The following KSR2 variants were observed in gnomAD, a reference collection of about 807,000 sequenced individuals.
The protein encoded by KSR2 is kinase suppressor of ras 2.
KSR2 carries 25 observed loss-of-function variants against 107.8 expected under a neutral mutation model. The observed-to-expected ratio is 0.23, with a 90% CI of 0.17 to 0.32. KSR2 has a LOEUF of 0.32. KSR2 is among the 10% of genes least tolerant of loss of function. The probability of loss-of-function intolerance (pLI) is 1.00; values close to 1 mark genes in which losing one functional copy is unlikely to be tolerated. For missense variants in KSR2, 887 were observed against 1,268.9 expected, an observed-to-expected ratio of 0.70 and a Z score of 4.57; for synonymous variants, 480 against 507.0, an observed-to-expected ratio of 0.95 and a Z score of 0.71.
At chr12:117,966,498 G>A (rs1220202918) in intron 1 of KSR2, among the ~76,000 whole-genome samples, 2 of 151,874 alleles carry the variant, frequency 1.3e-5, no homozygotes, top group South Asian at 2.1e-4. Flanking sequence ...CCACTCTCCC[G>A]ATACACCTTG....
chr12:117,731,402 G>T (rs182642706), intron 4 of KSR2, among the ~76,000 whole-genome samples: 1 of 140,054 alleles, frequency 7.1e-6, no homozygotes. Context: ...CAGCCGCCCC[G>T]TCCGGGAGGG....
Position 117,890,084 on chromosome 12 carries a change from TG to T in KSR2, c.181-29654del, listed in dbSNP as rs1894294640. ...GTAGGTCTGGGGAACCATCCAACTTTGCGTTTCTAACAAGTTCCCAGGTGAT... is the reference window on the plus strand; with the variant it reads ...GTAGGTCTGGGGAACCATCCAACTTTCGTTTCTAACAAGTTCCCAGGTGAT... On this transcript the variant is annotated intron_variant, in intron 1 of 19. Transcript: ENST00000339824. Among the ~76,000 whole-genome samples, 5 of 152,198 alleles carry T rather than the reference TG, an allele frequency of 3.3e-5. No homozygotes were observed. In the South Asian group the frequency reaches 1.0e-3, roughly 31 times the overall value.
At chr12:117,671,901 A>G (rs746028458) in intron 4 of KSR2, among the ~76,000 whole-genome samples, 3 of 152,142 alleles carry the variant, frequency 2.0e-5, no homozygotes, top group Admixed American at 6.5e-5. Context: ...AGAGTTCAGA[A>G]AAGTCTATTG....
intron 4 of KSR2, among the ~76,000 whole-genome samples, chr12:117,706,774 G>T (rs951137476): frequency 4.6e-5 from 7 of 151,768 alleles, no homozygotes; most frequent in Non-Finnish European, 8.8e-5. Context: ...AACCTGTTAA[G>T]AAATAAATAA....
rs1434186231 is a variant in KSR2, at chr12:117,650,984, C to T, written c.1171+16490G>A. On this transcript the variant is annotated intron_variant, in intron 5 of 19. Transcript: ENST00000339824. ...AATGAAAGGTGCATGCACAGCCTCA[C>T]CAGGTGTTTACTGTTAAAGTGAGGG... 3.3e-5 allele frequency among the ~76,000 whole-genome samples: 5 copies of T among 152,218 alleles called. No homozygotes were observed. In the East Asian group the frequency reaches 9.7e-4, roughly 29 times the overall value.
At chr12:117,677,115 T>G (rs2136520174) in intron 4 of KSR2, 1 of 152,138 alleles carries the variant, frequency 6.6e-6, no homozygotes, top group South Asian at 2.1e-4. Context: ...AGAGAAAAGG[T>G]GTGCAAGGAA....
At chr12:117,752,980 C>G (rs988187907) in intron 4 of KSR2, among the ~76,000 whole-genome samples, 2 of 152,112 alleles carry the variant, frequency 1.3e-5, no homozygotes, top group Non-Finnish European at 2.9e-5. Flanking sequence ...AACCAGAATC[C>G]CTGAGATCAT....
At chr12:117,514,711 G>A (rs1874254297) in intron 14 of KSR2, among the ~76,000 whole-genome samples, 1 of 151,860 alleles carries the variant, frequency 6.6e-6, no homozygotes, top group Non-Finnish European at 1.5e-5. Flanking sequence ...ATCACATCTG[G>A]CTAGTTTTTT....
At chr12:117,655,565 A>G (rs1461125183) in intron 5 of KSR2, among the ~76,000 whole-genome samples, 3 of 152,150 alleles carry the variant, frequency 2.0e-5, no homozygotes, top group Non-Finnish European at 4.4e-5. Context: ...ACCACCCACC[A>G]TCACCCCTAG....
At chr12:117,518,795 C>T (rs1874553033) in intron 14 of KSR2, among the ~76,000 whole-genome samples, 1 of 152,236 alleles carries the variant, frequency 6.6e-6, no homozygotes, top group Admixed American at 6.5e-5. Flanking sequence ...TGCAGTACCT[C>T]TACCTGAACT....
At chr12:117,923,580 G>A (rs1433307256) in intron 1 of KSR2, among the ~76,000 whole-genome samples, 1 of 152,088 alleles carries the variant, frequency 6.6e-6, no homozygotes, top group Non-Finnish European at 1.5e-5. Flanking sequence ...TGGGAGGATC[G>A]CTTGAGCCCA....
intron 4 of KSR2, among the ~76,000 whole-genome samples, chr12:117,688,907 C>T (rs1036397864): frequency 3.9e-5 from 6 of 152,058 alleles, no homozygotes; most frequent in Non-Finnish European, 5.9e-5. Context: ...CTCCTTCTTT[C>T]CTTCCTTCTC....
At chr12:117,633,556 T>C in intron 5 of KSR2, among the ~76,000 whole-genome samples, 1 of 152,192 alleles carries the variant, frequency 6.6e-6, no homozygotes, top group East Asian at 1.9e-4. Context: ...GTAGAGGCCC[T>C]AGGAAGGATA....
At chr12:117,848,756 T>TG (rs1490536653) in intron 3 of KSR2, among the ~76,000 whole-genome samples, 5 of 151,746 alleles carry the variant, frequency 3.3e-5, no homozygotes, top group Admixed American at 6.6e-5. Flanking sequence ...GTGATGGTGA[T>TG]GGCGATGATG....
intron 3 of KSR2, among the ~76,000 whole-genome samples, chr12:117,792,430 C>T (rs1036319057): frequency 5.3e-5 from 8 of 152,128 alleles, no homozygotes; most frequent in African/African-American, 1.9e-4. Context: ...CACCTGGGCA[C>T]GCTGGTTAGC....
At chr12:117,793,596 T>TACACCAACATGCACAC (rs1890393661) in intron 3 of KSR2, among the ~76,000 whole-genome samples, 1 of 94,148 alleles carries the variant, frequency 1.1e-5, no homozygotes, top group African/African-American at 6.3e-5. Context: ...TATGCACACA[T>TACACCAACATGCACAC]ACACCAACAT....
At chr12:117,643,671 G>A (rs1883482945) in intron 5 of KSR2, among the ~76,000 whole-genome samples, 1 of 152,120 alleles carries the variant, frequency 6.6e-6, no homozygotes, top group Non-Finnish European at 1.5e-5. Flanking sequence ...CCTAACCCTG[G>A]TCTGCAGACT....
chr12:117,508,224 T>C (rs1370941817), intron 14 of KSR2, among the ~76,000 whole-genome samples: 2 of 152,198 alleles, frequency 1.3e-5, no homozygotes, highest in Non-Finnish European at 2.9e-5. Context: ...TTATTTGTTG[T>C]TGGCTCTAAA....
At chr12:117,637,768 A>G (rs7978275) in intron 5 of KSR2, among the ~76,000 whole-genome samples, 24,560 of 138,304 alleles carry the variant, frequency 0.18, 2,122 homozygotes, top group Middle Eastern at 0.27. Flanking sequence ...TGCAACCTCC[A>G]CCTCCCAGGT....
Sources: allele counts gnomAD v4.1 joint callset (sites outside exome capture counted in the v4.1 genomes callset), GRCh38; gene constraint gnomAD v4.1.1; transcripts MANE v1.5; gene names NCBI Gene and HGNC (gene_info 2026-07-23, HGNC 2026-07-21).